Variants in ZNF185 observed in about 807,000 individuals in gnomAD.
ZNF185 encodes the protein zinc finger protein 185.
A neutral mutation model predicts 58.6 loss-of-function variants in ZNF185; 56 were observed. The observed-to-expected ratio is 0.95, with a 90% CI of 0.77 to 1.19. ZNF185 has a LOEUF of 1.19. Ranked by LOEUF, ZNF185 falls within the 50% of genes most tolerant of loss-of-function variation. The pLI is 0.00. For missense variants in ZNF185, 627 were observed against 573.5 expected, an observed-to-expected ratio of 1.09 and a Z score of -0.95; for synonymous variants, 230 against 215.9, an observed-to-expected ratio of 1.07 and a Z score of -0.57.
At chrX:152,939,105 A>C (rs1453275443) in intron 15 of ZNF185, among the ~76,000 whole-genome samples, 1 of 111,901 alleles carries the variant, frequency 8.9e-6, no homozygotes, top group Non-Finnish European at 1.9e-5. Context: ...ATCTTATTTC[A>C]AGTTTTAAGC....
In ZNF185 at chrX:152,968,041, T is replaced by C. The variant is rs782450861; in HGVS notation, c.1871+803T>C. Among the ~76,000 whole-genome samples the C allele has an allele frequency of 8.5e-4, 95 of 111,569 alleles. 1 individual carries two copies. The highest frequency in any genetic ancestry group is 9.2e-3 in the Middle Eastern group (2 of 217). On this transcript the variant is annotated intron_variant, in intron 20 of 22. Coordinates refer to ENST00000449285, the Ensembl canonical transcript of ZNF185. Reference sequence around the variant, plus strand: ...ATGACATTCAGAGACCAAAGCTACATTGGGGAGGAAAAGGAAGGAAGTAAG... The same window carrying C: ...ATGACATTCAGAGACCAAAGCTACACTGGGGAGGAAAAGGAAGGAAGTAAG...
intron 16 of ZNF185, among the ~76,000 whole-genome samples, chrX:152,951,739 T>C (rs1265369330): frequency 2.7e-5 from 3 of 112,046 alleles, no homozygotes; most frequent in Non-Finnish European, 3.8e-5. Flanking sequence ...ATAGTTGTTA[T>C]ATACTTTTTA....
intron 5 of ZNF185, 26 bp from the exon 7 acceptor site, chrX:152,918,039 G>T (rs1374924169): frequency 8.5e-7 from 1 of 1,172,217 alleles, no homozygotes; most frequent in Non-Finnish European, 1.1e-6. Context: ...CCTGCAGGTA[G>T]ACACATGGAA....
chrX:152,966,768 C>T (rs2050152298), intron 19 of ZNF185, among the ~76,000 whole-genome samples: 1 of 111,680 alleles, frequency 9.0e-6, no homozygotes, highest in African/African-American at 3.3e-5. Context: ...CCGTCTGCAC[C>T]CCCTAATTCT....
At chrX:152,922,748 C>T (rs782120126) in exon 11 of ZNF185, 5 of 1,201,273 alleles carry the variant, frequency 4.2e-6, no homozygotes, top group Non-Finnish European at 5.6e-6. Context: ...CAAAGCGTCT[C>T]GGGCAATTTG....
chrX:152,940,721 C>T (rs2047090601), intron 15 of ZNF185, among the ~76,000 whole-genome samples: 1 of 112,120 alleles, frequency 8.9e-6, no homozygotes, highest in Admixed American at 9.4e-5. Flanking sequence ...TGTAAATTTC[C>T]CCCAGGAGAG....
At chrX:152,918,836 G>C in intron 6 of ZNF185, 147 bp from the exon 8 acceptor site, 1 of 453,273 alleles carries the variant, frequency 2.2e-6, no homozygotes, top group Non-Finnish European at 3.9e-6. Flanking sequence ...AGGGAGGGGA[G>C]AGCTGGTCTC....
upstream of ZNF185, among the ~76,000 whole-genome samples, chrX:152,911,675 C>T (rs1937276733): frequency 1.6e-5 from 1 of 64,050 alleles, no homozygotes; most frequent in Non-Finnish European, 3.0e-5. Context: ...TCCCTCCCAT[C>T]CCACCCCACT....
At chrX:152,926,735 G>T (rs1418904863) in intron 11 of ZNF185, among the ~76,000 whole-genome samples, 1 of 111,974 alleles carries the variant, frequency 8.9e-6, no homozygotes, top group Non-Finnish European at 1.9e-5. Flanking sequence ...TGTGGGGGAG[G>T]AGAGACCCTT....
chrX:152,914,830 C>T, exon 2 of ZNF185: 4 of 1,182,215 alleles, frequency 3.4e-6, no homozygotes, highest in Non-Finnish European at 3.4e-6. Flanking sequence ...GAGGGTCGCA[C>T]CATGTAAGGC....
intron 3 of ZNF185, among the ~76,000 whole-genome samples, chrX:152,916,319 C>G (rs941868798): frequency 1.2e-4 from 13 of 111,182 alleles, no homozygotes; most frequent in South Asian, 3.8e-4. Context: ...TGACTCCTCC[C>G]CTAACTCTGA....
exon 16 of ZNF185, chrX:152,945,343 A>C: frequency 8.3e-7 from 1 of 1,207,215 alleles, no homozygotes; most frequent in Non-Finnish European, 1.1e-6. Flanking sequence ...TGGAGCTCCA[A>C]GAGGTGGCCA....
At chrX:152,902,118 C>T in the ZNF185 span, among the ~76,000 whole-genome samples, 1 of 112,487 alleles carries the variant, frequency 8.9e-6, no homozygotes, top group Non-Finnish European at 1.9e-5. Flanking sequence ...TGAGCCATCC[C>T]TCTTCCCGCA....
intron 4 of ZNF185, 23 bp downstream of exon 5, chrX:152,917,192 C>A (rs182662209): frequency 2.5e-6 from 3 of 1,209,893 alleles, no homozygotes; most frequent in Non-Finnish European, 3.4e-6. Flanking sequence ...AGGACTCTGC[C>A]GGCCTTCCTG....
chrX:152,918,912 G>C, intron 6 of ZNF185, 71 bp from the exon 8 acceptor site: 1 of 813,752 alleles, frequency 1.2e-6, no homozygotes, highest in East Asian at 3.3e-5. Flanking sequence ...CGTCATTGTT[G>C]TTGAAAGCCA....
intron 16 of ZNF185, among the ~76,000 whole-genome samples, chrX:152,945,873 A>C (rs996805406): frequency 1.8e-5 from 2 of 111,842 alleles, no homozygotes; most frequent in Non-Finnish European, 3.8e-5. Flanking sequence ...ACAGGAGGGT[A>C]AAAGTGCAAA....
intron 14 of ZNF185, 32 bp from the exon 17 acceptor site, chrX:152,938,042 A>C (rs1556883969): frequency 8.6e-7 from 1 of 1,158,870 alleles, no homozygotes; most frequent in Admixed American, 2.6e-5. Flanking sequence ...CTTTGGTCTG[A>C]GATCTCAGCA....
At chrX:152,925,434 C>T (rs782449938) in intron 11 of ZNF185, among the ~76,000 whole-genome samples, 8 of 112,667 alleles carry the variant, frequency 7.1e-5, no homozygotes, top group Non-Finnish European at 1.3e-4. Flanking sequence ...ATATGGTTGT[C>T]ATTGCAAGGT....
Position 152,916,243 on chromosome X carries a change from C to T in ZNF185, c.225-888C>T, listed in dbSNP as rs188056103. Among the ~76,000 whole-genome samples, 8 of 111,486 alleles carry T rather than the reference C, an allele frequency of 7.2e-5. No individual in the cohort carries two copies. In the East Asian group the frequency reaches 2.3e-3, roughly 32 times the overall value. On this transcript the variant is annotated intron_variant, in intron 3 of 22. Transcript: ENST00000449285. ...ACCGGAGGCTCTGTGTTGCCCTTGA[C>T]CCAAACCCCGATGCTCCAGCCCACA...
Sources: allele counts gnomAD v4.1 joint callset (sites outside exome capture counted in the v4.1 genomes callset), GRCh38; gene constraint gnomAD v4.1.1; transcripts MANE v1.5; gene names NCBI Gene and HGNC (gene_info 2026-07-23, HGNC 2026-07-21).